Variants in DCC observed in about 807,000 individuals in gnomAD.
The protein encoded by DCC is netrin receptor DCC.
In DCC, 58 loss-of-function variants were observed where a neutral mutation model predicts 172.5. The observed-to-expected ratio is 0.34, with a 90% CI of 0.27 to 0.42. The LOEUF is 0.42. Among genes scored for constraint, DCC ranks in the 10% least tolerant of loss-of-function variants. The pLI, the probability that DCC is intolerant of heterozygous loss-of-function variation, is 1.00. For synonymous variants in DCC, 709 were observed against 644.5 expected, an observed-to-expected ratio of 1.10 and a Z score of -1.52; for missense variants, 1,740 against 1,791.0, an observed-to-expected ratio of 0.97 and a Z score of 0.51.
chr18:52,626,459 T>A (rs111454216), intron 1 of DCC, among the ~76,000 whole-genome samples: 2 of 152,198 alleles, frequency 1.3e-5, no homozygotes. Context: ...GCTTTTTTTT[T>A]TCTGCCCTAC....
intron 3 of DCC, among the ~76,000 whole-genome samples, chr18:52,917,180 C>T (rs528109110): frequency 6.8e-6 from 1 of 147,350 alleles, no homozygotes; most frequent in Admixed American, 6.8e-5. Flanking sequence ...ATTGGCTGGA[C>T]GTAGTGACAT....
intron 5 of DCC, among the ~76,000 whole-genome samples, chr18:52,962,527 CA>C (rs1414922103): frequency 6.6e-6 from 1 of 151,888 alleles, no homozygotes; most frequent in African/African-American, 2.4e-5. Flanking sequence ...CTAGTTCAAC[CA>C]ATGTGGAATT....
chr18:53,341,632 T>C (rs911922761), intron 15 of DCC, among the ~76,000 whole-genome samples: 1 of 152,216 alleles, frequency 6.6e-6, no homozygotes, highest in Non-Finnish European at 1.5e-5. Flanking sequence ...CATGTGTTAA[T>C]ATGAAATACA....
chr18:52,939,630 T>C (rs994078485), intron 5 of DCC, among the ~76,000 whole-genome samples: 1 of 152,226 alleles, frequency 6.6e-6, no homozygotes. Context: ...CCTTGATTTC[T>C]CTTTTCATAG....
chr18:53,408,116 C>A (rs1278722706), intron 19 of DCC, among the ~76,000 whole-genome samples: 1 of 152,082 alleles, frequency 6.6e-6, no homozygotes, highest in African/African-American at 2.4e-5. Context: ...CCATTATGTC[C>A]CTGACCTTGT....
At chr18:53,181,740 A>G (rs1294368626) in intron 9 of DCC, among the ~76,000 whole-genome samples, 1 of 152,146 alleles carries the variant, frequency 6.6e-6, no homozygotes, top group Non-Finnish European at 1.5e-5. Flanking sequence ...AAGCAGCAGT[A>G]TTTATGGATC....
intron 1 of DCC, among the ~76,000 whole-genome samples, chr18:52,541,798 G>C (rs1378305511): frequency 1.3e-5 from 2 of 149,388 alleles, no homozygotes; most frequent in East Asian, 3.9e-4. Context: ...CTATGGCTTT[G>C]GTCTTGTTTT....
In DCC at chr18:53,483,267, T is replaced by C. The variant is rs531733745; in HGVS notation, c.3737-3530T>C. On this transcript the variant is annotated intron_variant, in intron 25 of 28. Coordinates refer to ENST00000442544, the MANE Select transcript of DCC (RefSeq NM_005215.4). ...TCCATAATGTGCTTTTCATAAAATA[T>C]CTTTATTGAGGCATTGTGCTTTGTA... Among the ~76,000 whole-genome samples, 129 of 152,066 alleles carry C rather than the reference T, an allele frequency of 8.5e-4. No individual in the cohort carries two copies. In the South Asian group the frequency reaches 0.027, roughly 31 times the overall value.
chr18:53,339,927 T>G lies in DCC; in HGVS notation c.2359+20T>G. 2 of 1,599,796 alleles carry G rather than the reference T, an allele frequency of 1.3e-6. No homozygotes were observed. The highest frequency in any genetic ancestry group is 1.7e-6 in the Non-Finnish European group (2 of 1,167,652). ...GGTTAGGTGAGTATCTGTGATTTTT[T>G]TTATTCTATTAAGGGGAATTAATGA... On this transcript the variant is annotated intron_variant, in intron 15 of 28. Coordinates refer to ENST00000442544, the MANE Select transcript of DCC (RefSeq NM_005215.4).
At chr18:52,376,343 A>G (rs1231059724) in intron 1 of DCC, among the ~76,000 whole-genome samples, 5 of 152,198 alleles carry the variant, frequency 3.3e-5, no homozygotes, top group Non-Finnish European at 5.9e-5. Context: ...ATGTTCAACT[A>G]CCCAGTAAGT....
At chr18:53,496,582 T>C (rs1281666445) in intron 26 of DCC, among the ~76,000 whole-genome samples, 1 of 151,126 alleles carries the variant, frequency 6.6e-6, no homozygotes, top group Non-Finnish European at 1.5e-5. Context: ...CTCACCAGCA[T>C]GGGAACAAAA....
At chr18:52,440,158 A>G (rs1050768362) in intron 1 of DCC, among the ~76,000 whole-genome samples, 7 of 152,168 alleles carry the variant, frequency 4.6e-5, no homozygotes, top group African/African-American at 1.4e-4. Context: ...GTAGACCCCA[A>G]TTTGAAGCGC....
In DCC at chr18:52,974,589, C is replaced by T. The variant is rs150961391; in HGVS notation, c.985+49219C>T. Among the ~76,000 whole-genome samples, 171 of 152,290 alleles carry T rather than the reference C, an allele frequency of 1.1e-3. 3 individuals carry two copies. The East Asian group carries it at 0.026, about 23-fold the overall frequency. ...ACAGGGTGGCCTGTAGAATCTAATG[C>T]AGGGAGGCTCTGAGAATATATGAGA... On this transcript the variant is annotated intron_variant, in intron 5 of 28. Transcript: ENST00000442544.
chr18:52,668,058 C>CAA (rs55673601), intron 1 of DCC, among the ~76,000 whole-genome samples: 15,477 of 150,336 alleles, frequency 0.1, 959 homozygotes, highest in Non-Finnish European at 0.14. Context: ...AAAACAACAA[C>CAA]AAAAAAAAAC....
At chr18:53,407,328 C>T (rs1340681101) in intron 19 of DCC, among the ~76,000 whole-genome samples, 4 of 151,364 alleles carry the variant, frequency 2.6e-5, no homozygotes, top group Non-Finnish European at 1.5e-5. Flanking sequence ...TTCGATACCT[C>T]TTATGTGAAT....
intron 18 of DCC, among the ~76,000 whole-genome samples, chr18:53,399,128 T>C (rs2145028845): frequency 6.6e-6 from 1 of 152,198 alleles, no homozygotes; most frequent in Middle Eastern, 3.4e-3. Context: ...TGAAGTAAAA[T>C]AAACGTGACA....
intron 1 of DCC, among the ~76,000 whole-genome samples, chr18:52,550,121 C>T (rs1030614975): frequency 6.6e-6 from 1 of 151,896 alleles, no homozygotes; most frequent in Non-Finnish European, 1.5e-5. Context: ...TGACACTTTA[C>T]CTCTGTGTTC....
intron 2 of DCC, among the ~76,000 whole-genome samples, chr18:52,889,819 A>G (rs1050634145): frequency 6.6e-6 from 1 of 152,162 alleles, no homozygotes; most frequent in African/African-American, 2.4e-5. Context: ...GAACTTTAAG[A>G]TGAAGTCATT....
chr18:53,229,147 C>A (rs764805182), intron 12 of DCC, among the ~76,000 whole-genome samples: 14 of 152,022 alleles, frequency 9.2e-5, no homozygotes, highest in Non-Finnish European at 7.4e-5. Flanking sequence ...ATAATAAAGT[C>A]TAATTAAATA....
Sources: gnomAD v4.1 joint callset for allele counts (sites outside exome capture counted in the v4.1 genomes callset) on GRCh38, gnomAD v4.1.1 for gene constraint, MANE v1.5 for transcripts, NCBI Gene and HGNC (gene_info 2026-07-23, HGNC 2026-07-21) for gene names.